The following LRRN1 variants were observed in gnomAD, a reference collection of about 807,000 sequenced individuals.
LRRN1 encodes leucine-rich repeat neuronal protein 1.
In LRRN1, 14 loss-of-function variants were observed where a neutral mutation model predicts 45.8. That is an observed-to-expected ratio of 0.31 (90% CI 0.20 to 0.48). The LOEUF (loss-of-function observed/expected upper bound fraction) is 0.48, where lower values mean the gene tolerates loss of function less well. Ranked by LOEUF, LRRN1 falls within the 20% of genes least tolerant of loss-of-function variation. The pLI is 0.99. For missense variants in LRRN1, 789 were observed against 874.2 expected (o/e 0.90, Z 1.23); for synonymous variants, 359 against 330.1 (o/e 1.09, Z -0.95).
chr3:3,812,691 C>T (rs923969606), intron 1 of LRRN1, among the ~76,000 whole-genome samples: 11 of 151,872 alleles, frequency 7.2e-5, no homozygotes, highest in Non-Finnish European at 1.6e-4. Context: ...GGTTAGGTGG[C>T]ATGTCATTGT....
chr3:3,803,727 A>C (rs1309814615), intron 1 of LRRN1, among the ~76,000 whole-genome samples: 1 of 152,220 alleles, frequency 6.6e-6, no homozygotes, highest in Non-Finnish European at 1.5e-5. Flanking sequence ...GTTTTGGCTC[A>C]AAGTACAGAA....
chr3:3,833,047 G>T (rs1261450849), intron 1 of LRRN1, among the ~76,000 whole-genome samples: 2 of 152,188 alleles, frequency 1.3e-5, no homozygotes, highest in African/African-American at 4.8e-5. Flanking sequence ...TTTAAATTTT[G>T]TAGTTGAGTG....
intron 1 of LRRN1, among the ~76,000 whole-genome samples, chr3:3,823,735 C>T (rs919697339): frequency 6.6e-6 from 1 of 152,042 alleles, no homozygotes; most frequent in African/African-American, 2.4e-5. Context: ...GGATATGGAC[C>T]CAGCTCTGTC....
In LRRN1 at chr3:3,818,067, G is replaced by A. The variant is rs559206843; in HGVS notation, c.-279+18148G>A. 1.5e-4 allele frequency among the ~76,000 whole-genome samples: 23 copies of A among 152,226 alleles called. 1 individual carries two copies. In the East Asian group the frequency reaches 3.7e-3, roughly 24 times the overall value. On this transcript the variant is annotated intron_variant, in intron 1 of 1. Coordinates refer to ENST00000319331, the MANE Select transcript of LRRN1 (RefSeq NM_020873.7). ...ATGTGTAGTGTTGAATGTACAATCC[G>A]GAACCATTGTAGCAACCAGTTCCTT...
chr3:3,800,367 A>G (rs961280), intron 1 of LRRN1, among the ~76,000 whole-genome samples: 1 of 151,546 alleles, frequency 6.6e-6, no homozygotes. Flanking sequence ...AGCTGGAAAG[A>G]GGGCCAAGAG....
At chr3:3,815,680 T>G (rs1370873582) in intron 1 of LRRN1, among the ~76,000 whole-genome samples, 3 of 152,176 alleles carry the variant, frequency 2.0e-5, no homozygotes, top group Non-Finnish European at 4.4e-5. Flanking sequence ...TCTGATCTTG[T>G]TTTCAAACCA....
At chr3:3,800,253 C>T (rs1479914436) in intron 1 of LRRN1, among the ~76,000 whole-genome samples, 4 of 151,760 alleles carry the variant, frequency 2.6e-5, no homozygotes, top group Non-Finnish European at 4.4e-5. Context: ...AGGGGCCGAC[C>T]AGGGGAGGGA....
chr3:3,813,903 C>A (rs1218590089), intron 1 of LRRN1, among the ~76,000 whole-genome samples: 2 of 152,046 alleles, frequency 1.3e-5, no homozygotes, highest in Non-Finnish European at 2.9e-5. Context: ...AAACTCACCC[C>A]ACTCCCAAAA....
chr3:3,846,342 C>T lies in LRRN1; in HGVS notation c.1701C>T (p.His567=), dbSNP rs765342594. The stretch of plus-strand genomic sequence containing the variant: ...CCACCATGAAGATTGATAACCCTCA[C>T]ATAACATATACTGCCAGGGTCCCAG... ...SSATMKIDNP[H]ITYTARVPVD... The change falls in exon 2 of 2, where the codon CAC becomes CAT. Residue 567 remains histidine, a synonymous_variant. Transcript: ENST00000319331. This position sits in a 1 kb window ranked among gnomAD's most constrained non-coding sequence, Gnocchi z 5.7. The T allele has an allele frequency of 6.2e-7, 1 of 1,613,846 alleles. No individual in the cohort carries two copies. Among genetic ancestry groups the T allele is most frequent in the South Asian group, 1.1e-5 (1 of 91,088 alleles).
At chr3:3,803,151 T>C (rs1198160673) in intron 1 of LRRN1, among the ~76,000 whole-genome samples, 2 of 152,226 alleles carry the variant, frequency 1.3e-5, no homozygotes. Context: ...CTGGTTAGTC[T>C]GTGCTAAGGC....
chr3:3,827,267 A>AC (rs1693243039), intron 1 of LRRN1: 1 of 230,124 alleles, frequency 4.3e-6, no homozygotes, highest in Non-Finnish European at 9.2e-6. Context: ...TGAATTTGAA[A>AC]CCAAGTCTGT....
intron 1 of LRRN1, among the ~76,000 whole-genome samples, chr3:3,827,904 G>A (rs1482507954): frequency 6.6e-6 from 1 of 151,960 alleles, no homozygotes; most frequent in East Asian, 1.9e-4. Context: ...AATGATAATG[G>A]TTGAAAATAT....
intron 1 of LRRN1, among the ~76,000 whole-genome samples, chr3:3,826,171 C>G (rs1343099056): frequency 1.3e-5 from 2 of 152,068 alleles, no homozygotes; most frequent in African/African-American, 4.8e-5. Flanking sequence ...CAATCAAACT[C>G]CATCCCTCCA....
chr3:3,818,006 G>T (rs1303319784), intron 1 of LRRN1, among the ~76,000 whole-genome samples: 8 of 152,214 alleles, frequency 5.3e-5, no homozygotes, highest in African/African-American at 1.9e-4. Flanking sequence ...GGCACTTTCA[G>T]TGCCCACAGT....
intron 1 of LRRN1, among the ~76,000 whole-genome samples, chr3:3,804,671 C>T (rs377564844): frequency 2.2e-4 from 33 of 152,292 alleles, no homozygotes; most frequent in East Asian, 9.6e-4. Context: ...CCCAGGCTGT[C>T]CTAGCTCACA....
At chr3:3,824,466 C>T (rs1337983867) in intron 1 of LRRN1, among the ~76,000 whole-genome samples, 1 of 151,928 alleles carries the variant, frequency 6.6e-6, no homozygotes, top group Non-Finnish European at 1.5e-5. Context: ...TTATACAGCA[C>T]AGATCAACAT....
Position 3,849,190 on chromosome 3 carries a change from C to T in LRRN1, c.*2398C>T, listed in dbSNP as rs1435114439. ...CATAAAGCAAACATTTGAACTTACACAGAATGAGCACTTAAATACGGGTGC... is the reference window on the plus strand; with the variant it reads ...CATAAAGCAAACATTTGAACTTACATAGAATGAGCACTTAAATACGGGTGC... On this transcript the variant is annotated 3_prime_UTR_variant, in exon 2 of 2. Transcript: ENST00000319331. 6.6e-6 allele frequency among the ~76,000 whole-genome samples: 1 copy of T among 152,170 alleles called. No homozygotes were observed. Among genetic ancestry groups the T allele is most frequent in the Non-Finnish European group, 1.5e-5 (1 of 68,028 alleles).
intron 1 of LRRN1, among the ~76,000 whole-genome samples, chr3:3,829,182 G>C (rs1179237131): frequency 6.6e-6 from 1 of 152,018 alleles, no homozygotes; most frequent in Non-Finnish European, 1.5e-5. Context: ...CCATCATAAA[G>C]TAGTAGACTG....
rs1426645738 is a variant in LRRN1, at chr3:3,816,371, C to A, written c.-279+16452C>A. 6.6e-6 allele frequency among the ~76,000 whole-genome samples: 1 copy of A among 152,092 alleles called. No homozygotes were observed. On this transcript the variant is annotated intron_variant, in intron 1 of 1. Transcript: ENST00000319331. The surrounding 1 kb of genome is among the most constrained non-coding windows in gnomAD (Gnocchi z 4.0). ...CAAGGAAAATCTACAATAAGAAACTCTTTCAAATTCAGGGATGTAACTTTC... is the reference window on the plus strand; with the variant it reads ...CAAGGAAAATCTACAATAAGAAACTATTTCAAATTCAGGGATGTAACTTTC...
Sources: gnomAD v4.1 joint callset for allele counts (sites outside exome capture counted in the v4.1 genomes callset) on GRCh38, gnomAD v4.1.1 for gene constraint, Gnocchi (gnomAD v3.1) non-coding constraint, MANE v1.5 for transcripts, NCBI Gene and HGNC (gene_info 2026-07-23, HGNC 2026-07-21) for gene names.